The following FHIT variants were observed in gnomAD, a reference collection of about 807,000 sequenced individuals.
The protein encoded by FHIT is bis(5'-adenosyl)-triphosphatase.
FHIT carries 19 observed loss-of-function variants against 17.9 expected under a neutral mutation model. That is an observed-to-expected ratio of 1.06 (90% CI 0.74 to 1.56). FHIT has a LOEUF of 1.56. Ranked by LOEUF, FHIT falls within the 40% of genes most tolerant of loss-of-function variation. The probability of loss-of-function intolerance (pLI) is 0.00; values close to 1 mark genes in which losing one functional copy is unlikely to be tolerated. For synonymous variants in FHIT, 81 were observed against 69.7 expected, an observed-to-expected ratio of 1.16 and a Z score of -0.81; for missense variants, 248 against 189.2, an observed-to-expected ratio of 1.31 and a Z score of -1.82.
At chr3:60,780,191 A>T (rs1553725408) in intron 4 of FHIT, among the ~76,000 whole-genome samples, 1 of 152,148 alleles carries the variant, frequency 6.6e-6, no homozygotes, top group African/African-American at 2.4e-5. Flanking sequence ...TTTCAAATGC[A>T]TCCTGAACCT....
At chr3:61,176,018 C>T (rs565506758) in intron 2 of FHIT, among the ~76,000 whole-genome samples, 1 of 152,314 alleles carries the variant, frequency 6.6e-6, no homozygotes, top group East Asian at 1.9e-4. Context: ...ATAAGCAAAT[C>T]GTAATTGACA....
intron 4 of FHIT, among the ~76,000 whole-genome samples, chr3:60,602,122 C>T (rs1353299917): frequency 6.6e-6 from 1 of 152,136 alleles, no homozygotes; most frequent in East Asian, 1.9e-4. Context: ...GAAAAATTCT[C>T]AGTTTTCACA....
At chr3:60,444,351 T>C (rs371855671) in intron 5 of FHIT, among the ~76,000 whole-genome samples, 40 of 152,174 alleles carry the variant, frequency 2.6e-4, no homozygotes, top group East Asian at 1.7e-3. Flanking sequence ...TGGGTATATA[T>C]CCAAAGGATT....
chr3:60,909,718 C>T (rs781907742), intron 3 of FHIT, among the ~76,000 whole-genome samples: 1 of 152,138 alleles, frequency 6.6e-6, no homozygotes, highest in Non-Finnish European at 1.5e-5. Flanking sequence ...TACTGAACAA[C>T]GGAATGCGTA....
intron 4 of FHIT, among the ~76,000 whole-genome samples, chr3:60,809,024 G>T (rs1701488453): frequency 6.6e-6 from 1 of 152,044 alleles, no homozygotes; most frequent in Non-Finnish European, 1.5e-5. Context: ...GTATAATTTG[G>T]TTAATTTAAT....
chr3:60,415,824 AAATAAT>A (rs1463248562), intron 5 of FHIT, among the ~76,000 whole-genome samples: 2 of 149,540 alleles, frequency 1.3e-5, no homozygotes, highest in Non-Finnish European at 1.5e-5. Flanking sequence ...CTCATCTATA[AAATAAT>A]AATAATTACT....
At position 60,528,389 on chromosome 3, in the gene FHIT, C is replaced by T. The variant is rs542850909; in HGVS notation, c.103+8471G>A. Among the ~76,000 whole-genome samples the T allele has an allele frequency of 1.3e-4, 20 of 151,934 alleles. No homozygotes were observed. In the South Asian group the frequency reaches 4.2e-3, roughly 32 times the overall value. Reference sequence around the variant, plus strand: ...TATATAAATATACTCTCCACTGCCACAGTTACCCCAAACACATATACAAAA... The same window carrying T: ...TATATAAATATACTCTCCACTGCCATAGTTACCCCAAACACATATACAAAA... On this transcript the variant is annotated intron_variant, in intron 5 of 9. Coordinates refer to ENST00000492590, the MANE Select transcript of FHIT (RefSeq NM_002012.4).
At chr3:61,090,224 TA>T (rs1384827273) in intron 2 of FHIT, among the ~76,000 whole-genome samples, 1 of 152,224 alleles carries the variant, frequency 6.6e-6, no homozygotes, top group Admixed American at 6.5e-5. Flanking sequence ...CCCTTTGTTT[TA>T]GGGGGGAAAT....
At chr3:59,930,010 C>T (rs981083296) in intron 7 of FHIT, among the ~76,000 whole-genome samples, 11 of 152,074 alleles carry the variant, frequency 7.2e-5, no homozygotes, top group Admixed American at 6.6e-4. Flanking sequence ...GATGTGTGAT[C>T]AAGTGAGTTA....
Position 60,410,486 on chromosome 3 carries a change from C to T in FHIT, c.103+126374G>A, listed in dbSNP as rs189075439. Among the ~76,000 whole-genome samples, 135 of 152,158 alleles carry T rather than the reference C, an allele frequency of 8.9e-4. 2 individuals are homozygous for T. Among genetic ancestry groups the T allele is most frequent in the African/African-American group, 2.8e-3 (118 of 41,516 alleles). On this transcript the variant is annotated intron_variant, in intron 5 of 9. Transcript: ENST00000492590. ...TATCGTGGATAAAAGAATTGTAATA[C>T]GTGATTTTAAATATTTTAATTGCCA...
At chr3:61,063,556 C>T (rs564614837) in intron 2 of FHIT, among the ~76,000 whole-genome samples, 162 of 152,172 alleles carry the variant, frequency 1.1e-3, no homozygotes, top group African/African-American at 3.7e-3. Context: ...GCATAATGGG[C>T]CAGTCTGACT....
At chr3:61,137,289 A>G (rs1183285312) in intron 2 of FHIT, among the ~76,000 whole-genome samples, 2 of 116,000 alleles carry the variant, frequency 1.7e-5, no homozygotes, top group South Asian at 5.2e-4. Flanking sequence ...TTTTTTTGGT[A>G]CACACTCTTC....
chr3:60,982,247 A>G (rs985620080), intron 3 of FHIT, among the ~76,000 whole-genome samples: 2 of 152,224 alleles, frequency 1.3e-5, no homozygotes, highest in African/African-American at 4.8e-5. Context: ...CTTGCTCTAC[A>G]GGAGACTGTC....
intron 5 of FHIT, among the ~76,000 whole-genome samples, chr3:60,227,784 T>G (rs1704288090): frequency 6.6e-6 from 1 of 152,156 alleles, no homozygotes; most frequent in Non-Finnish European, 1.5e-5. Context: ...TGAAAGTGAC[T>G]GATTCCCCAC....
chr3:60,452,332 G>A (rs2031804720), intron 5 of FHIT, among the ~76,000 whole-genome samples: 1 of 152,102 alleles, frequency 6.6e-6, no homozygotes, highest in Non-Finnish European at 1.5e-5. Flanking sequence ...ACCCTATGAA[G>A]TGGTTTAAAG....
At chr3:60,351,453 T>C (rs559324767) in intron 5 of FHIT, among the ~76,000 whole-genome samples, 2 of 152,266 alleles carry the variant, frequency 1.3e-5, no homozygotes, top group African/African-American at 4.8e-5. Context: ...TTTTCTTCCT[T>C]TGACTTATAA....
chr3:60,377,551 G>A (rs866369905), intron 5 of FHIT, among the ~76,000 whole-genome samples: 87 of 131,094 alleles, frequency 6.6e-4, no homozygotes, highest in African/African-American at 2.3e-3. Flanking sequence ...GCGCAATCTC[G>A]GCTCACTGCA....
chr3:60,556,002 A>T lies in FHIT; in HGVS notation c.-17-19023T>A, dbSNP rs185945593. ...ACATACTGGCTATTGCCTTCCTTAT[A>T]ATAACACTTAATGTTTATTTCTGCC... On this transcript the variant is annotated intron_variant, in intron 4 of 9. Coordinates refer to ENST00000492590, the MANE Select transcript of FHIT (RefSeq NM_002012.4). Among the ~76,000 whole-genome samples the T allele has an allele frequency of 1.5e-4, 23 of 152,300 alleles. No homozygotes were observed. In the East Asian group the frequency reaches 3.7e-3, roughly 24 times the overall value.
At chr3:60,384,389 C>T (rs1207023101) in intron 5 of FHIT, among the ~76,000 whole-genome samples, 1 of 152,024 alleles carries the variant, frequency 6.6e-6, no homozygotes, top group Admixed American at 6.6e-5. Flanking sequence ...TAAGTGGCAG[C>T]CTAATTATTA....
Sources: gnomAD v4.1 joint callset for allele counts (sites outside exome capture counted in the v4.1 genomes callset) on GRCh38, gnomAD v4.1.1 for gene constraint, MANE v1.5 for transcripts, NCBI Gene and HGNC (gene_info 2026-07-23, HGNC 2026-07-21) for gene names.